FGD2: variants seen among roughly 807,000 people sequenced by gnomAD.
FGD2 encodes FYVE, RhoGEF and PH domain containing 2.
FGD2 carries 52 observed loss-of-function variants against 75.9 expected under a neutral mutation model. The observed-to-expected ratio is 0.69, with a 90% CI of 0.55 to 0.86. FGD2 has a LOEUF of 0.86. FGD2 is among the 40% of genes least tolerant of loss of function. The probability of loss-of-function intolerance (pLI) is 0.00; values close to 1 mark genes in which losing one functional copy is unlikely to be tolerated. For missense variants in FGD2, 790 were observed against 872.0 expected (o/e 0.91, Z 1.18); for synonymous variants, 347 against 348.6 (o/e 1.00, Z 0.05).
chr6:37,022,307 G>A lies in FGD2; in HGVS notation c.1395G>A (p.Met465Ile). ...GGGACAAGATGGTGACCATGTGCATGCGCTGCCAGGAGCCCTTCAACGCTC... is the reference window on the plus strand; with the variant it reads ...GGGACAAGATGGTGACCATGTGCATACGCTGCCAGGAGCCCTTCAACGCTC... ...WVRDKMVTMCMRCQEPFNALT... is the reference protein window; with the variant it reads ...WVRDKMVTMCIRCQEPFNALT... The change falls in exon 13 of 16, where the codon ATG becomes ATA. Residue 465 changes from methionine (M) to isoleucine (I), a missense_variant. Transcript: ENST00000274963. 1 of 1,588,906 alleles carries A rather than the reference G, an allele frequency of 6.3e-7. No individual in the cohort carries two copies. Among genetic ancestry groups the A allele is most frequent in the Non-Finnish European group, 8.5e-7 (1 of 1,170,250 alleles).
intron 2 of FGD2, chr6:37,010,178 CA>C (rs1190547039): frequency 6.6e-6 from 1 of 152,116 alleles, no homozygotes; most frequent in African/African-American, 2.4e-5. Flanking sequence ...ACTTCAACAC[CA>C]GACATTTATT....
In FGD2 at chr6:37,027,933, C is replaced by T; in HGVS notation, c.1753-15C>T. 6.2e-7 allele frequency: 1 copy of T among 1,612,764 alleles called. No homozygotes were observed. The highest frequency in any genetic ancestry group is 1.3e-5 in the African/African-American group (1 of 75,042). On this transcript the variant is annotated splice_polypyrimidine_tract_variant and intron_variant, in intron 15 of 15. Coordinates refer to ENST00000274963, the MANE Select transcript of FGD2 (RefSeq NM_173558.4). ...TGAGAGGGGACAGTGGCCCACTGCT[C>T]TCTCCTCCCCCCAGGACATGAGGGC...
intron 14 of FGD2, chr6:37,026,301 A>G (rs1765819218): frequency 1.0e-6 from 1 of 985,262 alleles, no homozygotes; most frequent in Admixed American, 6.1e-5. Flanking sequence ...CTTCCATTTT[A>G]CAGATGGGAA....
rs866861604 is a variant in FGD2, at chr6:37,014,431, A to G, written c.824-215A>G. The stretch of plus-strand genomic sequence containing the variant: ...GGAAGCAGTGAGAGTCACCAAAGCC[A>G]AACACCTAATGGCTAACGTTCAGTG... On this transcript the variant is annotated intron_variant, in intron 6 of 15. Coordinates refer to ENST00000274963, the MANE Select transcript of FGD2 (RefSeq NM_173558.4). 6 of 636,782 alleles carry G rather than the reference A, an allele frequency of 9.4e-6. No individual in the cohort carries two copies. In the South Asian group the frequency reaches 1.2e-4, roughly 13 times the overall value. The allele number at this position is 636,782 out of a possible 1,614,324, so 39.4% of individuals were successfully genotyped here. A position where few individuals can be genotyped will look rare whatever the true frequency, so the allele number is the denominator to read the frequency against.
At chr6:37,009,101 G>C in intron 2 of FGD2, 36 bp downstream of exon 2, 1 of 1,591,626 alleles carries the variant, frequency 6.3e-7, no homozygotes. Context: ...TGGGGTGCTG[G>C]GGTGGGGAGC....
At position 37,021,839 on chromosome 6, in the gene FGD2, C is replaced by T. The variant is rs112798926; in HGVS notation, c.1326+235C>T. On this transcript the variant is annotated intron_variant, in intron 12 of 15. Transcript: ENST00000274963. The stretch of plus-strand genomic sequence containing the variant: ...ACAGCTGTCTTGGGGAAGTGTTTCA[C>T]GTCTCTGCAGCTCCAGCTGCAGGGG... 1.7e-3 allele frequency: 877 copies of T among 517,502 alleles called. 3 individuals carry two copies. The highest frequency in any genetic ancestry group is 0.013 in the African/African-American group (707 of 52,518). The allele number at this position is 517,502 out of a possible 1,614,324, so 32.1% of individuals were successfully genotyped here.
At chr6:37,025,226 C>T (rs1408917929) in intron 13 of FGD2, 1 of 153,938 alleles carries the variant, frequency 6.5e-6, no homozygotes, top group Admixed American at 6.4e-5. Context: ...GGTGAAAACA[C>T]ACTTGACTCC....
chr6:37,014,867 C>A, intron 7 of FGD2, 25 bp from the exon 8 acceptor site: 1 of 1,611,764 alleles, frequency 6.2e-7, no homozygotes, highest in Non-Finnish European at 8.5e-7. Flanking sequence ...CCAGACTTGG[C>A]TGAGGATGCA....
Position 37,028,136 on chromosome 6 carries a change from G to A in FGD2, c.1941G>A (p.Trp647Ter), listed in dbSNP as rs1200655427. The change falls in exon 16 of 16, where the codon TGG becomes TGA. Residue 647 changes from tryptophan (W) to a stop codon, truncating the protein, a stop_gained. Transcript: ENST00000274963. LOFTEE classifies it high-confidence loss of function. Reference protein sequence around the residue: ...ERAASGWSPSWPNDGDLSD With the variant: ...ERAASGWSPS ...CGGCCAGTGGCTGGAGCCCCAGCTG[G>A]CCCAACGATGGGGACCTGTCCGACT... 13 of 1,603,338 alleles carry A rather than the reference G, an allele frequency of 8.1e-6. No homozygotes were observed. The East Asian group carries it at 1.3e-4, about 17-fold the overall frequency.
At position 37,005,867 on chromosome 6, in the gene FGD2, CTG is replaced by C; in HGVS notation, c.54_55del (p.Phe19Ter). On this transcript the variant is annotated frameshift_variant, in exon 1 of 16. Coordinates refer to ENST00000274963, the MANE Select transcript of FGD2 (RefSeq NM_173558.4). LOFTEE classifies it high-confidence loss of function. Reference sequence around the variant, plus strand: ...CTGGCATCTGTGTCCAACCTGGTCACTGTGTTTGAGAATAGCAGGTATGGGCA... The same window carrying C: ...CTGGCATCTGTGTCCAACCTGGTCACTGTTTGAGAATAGCAGGTATGGGCA... 6.2e-7 allele frequency: 1 copy of C among 1,613,866 alleles called. No individual in the cohort carries two copies.
At chr6:37,027,647 G>T in intron 15 of FGD2, 72 bp downstream of exon 15, 6 of 1,563,582 alleles carry the variant, frequency 3.8e-6, no homozygotes, top group Non-Finnish European at 5.2e-6. Flanking sequence ...GGGGGTCAGG[G>T]GTGAGTATTG....
Position 37,011,842 on chromosome 6 carries a change from G to T in FGD2, c.515G>T (p.Arg172Leu). The T allele has an allele frequency of 6.2e-7, 1 of 1,613,746 alleles. No individual in the cohort carries two copies. Among genetic ancestry groups the T allele is most frequent in the Non-Finnish European group, 8.5e-7 (1 of 1,179,862 alleles). Residue 172 changes from arginine (R) to leucine (L), a missense_variant, in exon 4 of 16, where the codon CGC becomes CTC. Transcript: ENST00000274963. The stretch of plus-strand genomic sequence containing the variant: ...TTCTTCCTCCCAGAGCTGCAGCGGC[G>T]CCTGGACGACTGGTGAGGTCCACCA... ...SQFFLPELQR[R>L]LDDWTANPRI...
At chr6:37,013,482 C>A in intron 4 of FGD2, 127 bp from the exon 5 acceptor site, 1 of 1,468,920 alleles carries the variant, frequency 6.8e-7, no homozygotes. Flanking sequence ...CCCCGTACCC[C>A]GCCCACACCC....
At chr6:37,022,486 C>A in intron 13 of FGD2, 116 bp downstream of exon 13, 10 of 1,373,876 alleles carry the variant, frequency 7.3e-6, no homozygotes, top group African/African-American at 1.5e-5. Flanking sequence ...TAGGCCTCCA[C>A]CTGCCCCACC....
intron 6 of FGD2, 22 bp from the exon 7 acceptor site, chr6:37,014,624 A>T: frequency 6.2e-7 from 1 of 1,612,908 alleles, no homozygotes; most frequent in South Asian, 1.1e-5. Flanking sequence ...CAGGGAATAA[A>T]CTCCGGCCCT....
In FGD2 at chr6:37,017,415, C is replaced by T. The variant is rs147109395; in HGVS notation, c.1122+1555C>T. ...TAAATAACTTGCTTGAAGGTCATAT[C>T]GCAAATGCTAGTTCGAGTGACCAAG... On this transcript the variant is annotated intron_variant, in intron 9 of 15. Coordinates refer to ENST00000274963, the MANE Select transcript of FGD2 (RefSeq NM_173558.4). 3.3e-4 allele frequency among the ~76,000 whole-genome samples: 50 copies of T among 152,338 alleles called. 1 individual carries two copies. The East Asian group carries it at 8.5e-3, about 26-fold the overall frequency.
rs370264308 is a variant in FGD2, at chr6:37,020,749, C to T, written c.1233+10C>T. The T allele has an allele frequency of 7.2e-5, 112 of 1,563,152 alleles. No individual in the cohort carries two copies. The highest frequency in any genetic ancestry group is 9.5e-5 in the African/African-American group (7 of 73,772). On this transcript the variant is annotated intron_variant, in intron 11 of 15. Transcript: ENST00000274963. The stretch of plus-strand genomic sequence containing the variant: ...GATTTCCTGGATGCAGGTATGGGAA[C>T]GCTCCGAGGCTTCTGGGAGTCTTTT...
intron 9 of FGD2, among the ~76,000 whole-genome samples, chr6:37,019,932 AACCTCC>A (rs1765493419): frequency 6.8e-6 from 1 of 147,206 alleles, no homozygotes; most frequent in Non-Finnish European, 1.5e-5. Context: ...AGCTCACTGC[AACCTCC>A]ACCTCCTAGG....
rs1234246380 is a variant in FGD2, at chr6:37,015,872, C to T, written c.1122+12C>T. On this transcript the variant is annotated intron_variant, in intron 9 of 15. Coordinates refer to ENST00000274963, the MANE Select transcript of FGD2 (RefSeq NM_173558.4). ...TGGCCGGGATGAAGGTAAGAGGCCC[C>T]CTAAACACCACTGGGCTCCACCTCA... 1 of 1,564,646 alleles carries T rather than the reference C, an allele frequency of 6.4e-7. No homozygotes were observed. Among genetic ancestry groups the T allele is most frequent in the Admixed American group, 1.9e-5 (1 of 51,752 alleles).
Sources: gnomAD v4.1 joint callset for allele counts (sites outside exome capture counted in the v4.1 genomes callset) on GRCh38, gnomAD v4.1.1 for gene constraint, MANE v1.5 for transcripts, NCBI Gene and HGNC (gene_info 2026-07-23, HGNC 2026-07-21) for gene names.